Variants in CCNJL observed in about 807,000 individuals in gnomAD.
The protein encoded by CCNJL is cyclin J like, also known as cyclin-J-like protein.
Under a neutral mutation model 33.4 loss-of-function variants are expected in CCNJL, and 33 were observed. The ratio of observed to expected loss-of-function variants is 0.99; its 90% CI spans 0.75 to 1.32. CCNJL has a LOEUF of 1.32. Among genes scored for constraint, CCNJL ranks in the 40% most tolerant of loss-of-function variants. CCNJL has a pLI of 0.00. For missense variants in CCNJL, 512 were observed against 499.7 expected (o/e 1.02, Z -0.23); for synonymous variants, 227 against 220.9 (o/e 1.03, Z -0.24).
At chr5:160,266,646 C>T (rs778809349) in intron 3 of CCNJL, among the ~76,000 whole-genome samples, 10 of 152,178 alleles carry the variant, frequency 6.6e-5, no homozygotes, top group Admixed American at 2.0e-4. Flanking sequence ...ACATGACGGG[C>T]ATGTGGGAGG....
intron 2 of CCNJL, among the ~76,000 whole-genome samples, chr5:160,297,503 C>T (rs1226015577): frequency 6.6e-6 from 1 of 151,888 alleles, no homozygotes; most frequent in Non-Finnish European, 1.5e-5. Context: ...CCGCAGAAAC[C>T]ACTTCAGAGC....
intron 3 of CCNJL, among the ~76,000 whole-genome samples, chr5:160,279,864 T>G (rs147217103): frequency 2.6e-5 from 4 of 152,294 alleles, no homozygotes; most frequent in Non-Finnish European, 5.9e-5. Context: ...AAGGGTGGCA[T>G]GGCAGAACTG....
chr5:160,293,996 C>T (rs147462394), intron 2 of CCNJL, among the ~76,000 whole-genome samples: 23 of 152,290 alleles, frequency 1.5e-4, no homozygotes, highest in Non-Finnish European at 2.4e-4. Context: ...CGGGAATCCA[C>T]GCCCTGGGTT....
intron 2 of CCNJL, among the ~76,000 whole-genome samples, chr5:160,304,906 C>A (rs1336317699): frequency 6.6e-6 from 1 of 152,036 alleles, no homozygotes; most frequent in African/African-American, 2.4e-5. Flanking sequence ...GTCCGCCTCC[C>A]AGGTTCAAGC....
chr5:160,312,119 G>A (rs1057185306), intron 1 of CCNJL, 147 bp from the exon 2 acceptor site: 4 of 605,172 alleles, frequency 6.6e-6, no homozygotes, highest in Non-Finnish European at 1.2e-5. Context: ...CCTCTGGTCC[G>A]CGGAAGGCTG....
At chr5:160,339,255 T>A (rs1763719649) in intron 1 of CCNJL, among the ~76,000 whole-genome samples, 1 of 112,272 alleles carries the variant, frequency 8.9e-6, no homozygotes, top group Non-Finnish European at 2.0e-5. Context: ...CATATATATA[T>A]AATTTATATA....
chr5:160,286,870 C>T (rs890222187), intron 2 of CCNJL, among the ~76,000 whole-genome samples: 3 of 152,286 alleles, frequency 2.0e-5, no homozygotes, highest in Admixed American at 6.5e-5. Flanking sequence ...ACCTCTCCAT[C>T]ATTCCAAATC....
At position 160,250,975 on chromosome 5, in the gene CCNJL, G is replaced by C. The variant is rs1760786480; in HGVS notation, c.*2403C>G. 6.6e-6 allele frequency: 1 copy of C among 152,200 alleles called. No individual in the cohort carries two copies. The highest frequency in any genetic ancestry group is 3.2e-3 in the Middle Eastern group (1 of 316). 9.4% of individuals were successfully genotyped at this position (152,200 alleles called of 1,614,324 possible). A position where few individuals can be genotyped will look rare whatever the true frequency, so the allele number is the denominator to read the frequency against. ...GGCTCAGAGAGAGGTTGGGTCAACT[G>C]CCTTCCAACAGCTGGTAAGTGGTGT... On this transcript the variant is annotated 3_prime_UTR_variant, in exon 6 of 6. Transcript: ENST00000257536.
intron 2 of CCNJL, among the ~76,000 whole-genome samples, chr5:160,290,141 C>T (rs911091353): frequency 4.6e-5 from 7 of 152,314 alleles, no homozygotes; most frequent in African/African-American, 1.7e-4. Flanking sequence ...GAAGTGAAGT[C>T]CTCGGTTTAA....
intron 2 of CCNJL, among the ~76,000 whole-genome samples, chr5:160,289,221 T>A (rs1327924822): frequency 2.6e-5 from 4 of 152,192 alleles, no homozygotes; most frequent in African/African-American, 9.6e-5. Context: ...GTTTAGGAAC[T>A]GTCCCCTGCC....
chr5:160,285,127 T>C (rs7705428), intron 2 of CCNJL, among the ~76,000 whole-genome samples: 6,546 of 151,998 alleles, frequency 0.043, 494 homozygotes, highest in African/African-American at 0.15. Flanking sequence ...TAGGTGGAGG[T>C]TGCAGTGAGC....
intron 3 of CCNJL, among the ~76,000 whole-genome samples, chr5:160,268,385 C>T (rs746203065): frequency 8.5e-5 from 13 of 152,196 alleles, no homozygotes; most frequent in Non-Finnish European, 5.9e-5. Context: ...CCTGTGTTTC[C>T]TCATCTGTGA....
At chr5:160,258,877 A>C (rs1027705779) in intron 4 of CCNJL, among the ~76,000 whole-genome samples, 2 of 152,166 alleles carry the variant, frequency 1.3e-5, no homozygotes, top group Non-Finnish European at 2.9e-5. Context: ...TTTGTATTTT[A>C]GTAGAGACAG....
intron 2 of CCNJL, among the ~76,000 whole-genome samples, chr5:160,308,312 C>T (rs750654529): frequency 2.0e-5 from 3 of 152,216 alleles, no homozygotes; most frequent in African/African-American, 4.8e-5. Context: ...AAGAGGAAAG[C>T]GAAGACTGAC....
At chr5:160,325,164 G>T (rs759645528) in intron 1 of CCNJL, among the ~76,000 whole-genome samples, 3 of 152,308 alleles carry the variant, frequency 2.0e-5, no homozygotes, top group Admixed American at 6.5e-5. Context: ...TAGAAATTGG[G>T]CATGTTGGCT....
chr5:160,254,358 C>A, intron 5 of CCNJL: 1 of 658,494 alleles, frequency 1.5e-6, no homozygotes, highest in South Asian at 1.7e-5. Flanking sequence ...TTTTTGCCAT[C>A]TCAAAAAAAG....
intron 3 of CCNJL, among the ~76,000 whole-genome samples, chr5:160,271,676 C>T (rs2113307528): frequency 6.6e-6 from 1 of 152,372 alleles, no homozygotes; most frequent in South Asian, 2.1e-4. Context: ...TTGCCCTGTG[C>T]CGCGTGGCCA....
At chr5:160,323,120 A>C (rs1763493588) in intron 1 of CCNJL, among the ~76,000 whole-genome samples, 1 of 151,576 alleles carries the variant, frequency 6.6e-6, no homozygotes, top group Admixed American at 6.6e-5. Context: ...CTGTAGTCCC[A>C]GGTACTCGGG....
At chr5:160,297,638 A>C (rs1762788272) in intron 2 of CCNJL, among the ~76,000 whole-genome samples, 2 of 143,902 alleles carry the variant, frequency 1.4e-5, no homozygotes, top group Admixed American at 7.1e-5. Context: ...ACACAGTGAG[A>C]TCTCGTCTCT....
Sources: gnomAD v4.1 joint callset for allele counts (sites outside exome capture counted in the v4.1 genomes callset) on GRCh38, gnomAD v4.1.1 for gene constraint, MANE v1.5 for transcripts, NCBI Gene and HGNC (gene_info 2026-07-23, HGNC 2026-07-21) for gene names.